Variants in N4BP1 observed in about 807,000 individuals in gnomAD.
N4BP1 encodes the protein NEDD4 binding protein 1.
N4BP1 carries 21 observed loss-of-function variants against 70.9 expected under a neutral mutation model. The ratio of observed to expected loss-of-function variants is 0.30; its 90% confidence interval spans 0.21 to 0.43. N4BP1 has a LOEUF of 0.43. Among genes scored for constraint, N4BP1 ranks in the 20% least tolerant of loss-of-function variants. The pLI is 1.00. For synonymous variants in N4BP1, 387 were observed against 394.6 expected (o/e 0.98, Z 0.23); for missense variants, 936 against 1,069.4 (o/e 0.88, Z 1.74).
chr16:48,557,460 A>G (rs1963772701), intron 2 of N4BP1, among the ~76,000 whole-genome samples: 1 of 152,226 alleles, frequency 6.6e-6, no homozygotes. Context: ...TGTATAAATT[A>G]TAACTTTTGA....
rs1336137604 is a variant in N4BP1, at chr16:48,609,853, C to A, written c.120G>T (p.Ala40=). Residue 40 remains alanine (A), a synonymous_variant, in exon 1 of 7, where the codon GCG becomes GCT. Coordinates refer to ENST00000262384, the MANE Select transcript of N4BP1 (RefSeq NM_153029.4). ...LFGVSLAVLG[A]LGAEEPLPAR... is the part of the protein sequence containing the mutation. Reference sequence around the variant, plus strand: ...CGGGCAGCGGCTCCTCAGCCCCTAGCGCGCCGAGCACGGCTAGGCTCACGC... The same window carrying A: ...CGGGCAGCGGCTCCTCAGCCCCTAGAGCGCCGAGCACGGCTAGGCTCACGC... 3 of 1,490,396 alleles carry A rather than the reference C, an allele frequency of 2.0e-6. No individual in the cohort carries two copies. The highest frequency in any genetic ancestry group is 5.7e-5 in the East Asian group (2 of 35,346). The allele number at this position is 1,490,396 out of a possible 1,614,324, so 92.3% of individuals were successfully genotyped here.
chr16:48,550,013 T>C (rs548127409), intron 4 of N4BP1, among the ~76,000 whole-genome samples: 1 of 152,338 alleles, frequency 6.6e-6, no homozygotes, highest in East Asian at 1.9e-4. Flanking sequence ...TTTCATACCA[T>C]GAGGAGGATT....
intron 1 of N4BP1, among the ~76,000 whole-genome samples, chr16:48,595,359 A>G (rs1487464540): frequency 6.8e-6 from 1 of 147,722 alleles, no homozygotes; most frequent in East Asian, 2.1e-4. Flanking sequence ...GCTACTAGGG[A>G]GGCAGGAGAA....
chr16:48,587,511 T>C (rs1964263293), intron 1 of N4BP1: 1 of 152,366 alleles, frequency 6.6e-6, no homozygotes, highest in East Asian at 1.9e-4. Context: ...GCTATGCTTT[T>C]ACAAATGGAA....
intron 1 of N4BP1, among the ~76,000 whole-genome samples, chr16:48,563,364 A>T (rs187402410): frequency 0.023 from 3,435 of 151,760 alleles, 115 homozygotes; most frequent in African/African-American, 0.071. Context: ...CTAAAAAAAA[A>T]TTTTTTAAAT....
Position 48,543,091 on chromosome 16 carries a change from G to A in N4BP1, c.2504C>T (p.Ala835Val), listed in dbSNP as rs751998307. The A allele has an allele frequency of 5.0e-6, 8 of 1,613,728 alleles. No individual in the cohort carries two copies. In the Admixed American group the frequency reaches 1.0e-4, roughly 20 times the overall value. ...PQQPHFPLLPALPSLQQNLPM... is the reference protein window; with the variant it reads ...PQQPHFPLLPVLPSLQQNLPM... ...CAGGTTCTGCTGGAGACTGGGGAGG[G>A]CTGGCAGCAGTGGGAAGTGGGGCTG... Residue 835 changes from alanine to valine, a missense_variant, in exon 7 of 7, where the codon GCC (alanine) becomes GTC (valine). Physicochemically the swap from Ala to Val is moderately conservative, Grantham distance 64. Around this residue, in one of 4 missense-constraint regions of N4BP1, gnomAD observed 229 missense variants for 343.5 expected, o/e 0.67. Coordinates refer to ENST00000262384, the MANE Select transcript of N4BP1 (RefSeq NM_153029.4).
intron 2 of N4BP1, among the ~76,000 whole-genome samples, chr16:48,557,347 T>C (rs1963770403): frequency 6.6e-6 from 1 of 152,198 alleles, no homozygotes; most frequent in African/African-American, 2.4e-5. Flanking sequence ...AACCTTAACT[T>C]CTGCTGGAGG....
chr16:48,600,100 A>G (rs1032626548), intron 1 of N4BP1: 24 of 391,144 alleles, frequency 6.1e-5, no homozygotes, highest in Non-Finnish European at 1.1e-4. Context: ...CATACTGTGA[A>G]TTAAATATGC....
At chr16:48,587,634 A>T (rs1263652487) in intron 1 of N4BP1, among the ~76,000 whole-genome samples, 1 of 152,220 alleles carries the variant, frequency 6.6e-6, no homozygotes, top group East Asian at 1.9e-4. Context: ...CTTGCATAAG[A>T]TCATTAAGAA....
intron 5 of N4BP1, among the ~76,000 whole-genome samples, chr16:48,546,833 G>A (rs900120634): frequency 3.3e-5 from 5 of 152,204 alleles, no homozygotes; most frequent in African/African-American, 1.2e-4. Context: ...TGTGAATGCT[G>A]AAAGCAACAG....
intron 2 of N4BP1, among the ~76,000 whole-genome samples, chr16:48,554,792 A>G (rs1483105638): frequency 6.6e-6 from 1 of 152,204 alleles, no homozygotes; most frequent in Non-Finnish European, 1.5e-5. Context: ...AGTTAAACCC[A>G]GGCTCTCCTA....
intron 1 of N4BP1, among the ~76,000 whole-genome samples, chr16:48,573,135 A>C (rs1964045223): frequency 6.6e-6 from 1 of 151,716 alleles, no homozygotes; most frequent in Admixed American, 6.6e-5. Context: ...AAAAAAGAAA[A>C]TTCAGGAAAA....
chr16:48,606,286 C>G (rs11640203), intron 1 of N4BP1, among the ~76,000 whole-genome samples: 3 of 152,138 alleles, frequency 2.0e-5, no homozygotes, highest in African/African-American at 7.2e-5. Context: ...CCCCCTACCC[C>G]CTCATGCCCA....
chr16:48,570,107 T>G (rs563568924), intron 1 of N4BP1, among the ~76,000 whole-genome samples: 1 of 150,606 alleles, frequency 6.6e-6, no homozygotes, highest in African/African-American at 2.5e-5. Flanking sequence ...CAAGCTTCGA[T>G]TGCCACCACA....
chr16:48,572,267 G>A (rs1255649490), intron 1 of N4BP1, among the ~76,000 whole-genome samples: 2 of 152,128 alleles, frequency 1.3e-5, no homozygotes, highest in South Asian at 2.1e-4. Flanking sequence ...TTCTTGGAAC[G>A]AAAGGACAGA....
chr16:48,590,464 G>T (rs1480218179), intron 1 of N4BP1, among the ~76,000 whole-genome samples: 4 of 152,176 alleles, frequency 2.6e-5, no homozygotes, highest in African/African-American at 9.7e-5. Context: ...CTAGGCAGAG[G>T]GCAAGGTGAA....
chr16:48,609,892 G>A lies in N4BP1; in HGVS notation c.81C>T (p.Ile27=). The change falls in exon 1 of 7, where the codon ATC becomes ATT. Residue 27 remains isoleucine, a synonymous_variant. Coordinates refer to ENST00000262384, the MANE Select transcript of N4BP1 (RefSeq NM_153029.4). Reference sequence around the variant, plus strand: ...CTAGGCTCACGCCAAACAGGCCCTCGATACGGCCGCGGCTCTGCTCCAGCA... The same window carrying A: ...CTAGGCTCACGCCAAACAGGCCCTCAATACGGCCGCGGCTCTGCTCCAGCA... ...AELLEQSRGR[I]EGLFGVSLAV... 1 of 1,478,012 alleles carries A rather than the reference G, an allele frequency of 6.8e-7. No individual in the cohort carries two copies. The highest frequency in any genetic ancestry group is 9.0e-7 in the Non-Finnish European group (1 of 1,116,502). The allele number at this position is 1,478,012 out of a possible 1,614,324, so 91.6% of individuals were successfully genotyped here.
In N4BP1 at chr16:48,561,093, C is replaced by T; in HGVS notation, c.1550G>A (p.Arg517Lys). Residue 517 changes from arginine (R) to lysine (K), a missense_variant, in exon 2 of 7, where the codon AGA (arginine) becomes AAA (lysine). Arg to Lys is a conservative substitution (Grantham distance 26). Transcript: ENST00000262384. ...ACCATTTTCAGGAAAAAGTGGAACT[C>T]TGGGCTGGTGACTTGAAGCTCCCCT... ...VSRGASSHQP[R>K]VPLFPENGLH... The T allele has an allele frequency of 1.2e-6, 2 of 1,613,984 alleles. No individual in the cohort carries two copies. The highest frequency in any genetic ancestry group is 1.7e-6 in the Non-Finnish European group (2 of 1,179,874).
chr16:48,585,248 T>A (rs1014220389), intron 1 of N4BP1, among the ~76,000 whole-genome samples: 7 of 152,184 alleles, frequency 4.6e-5, no homozygotes, highest in East Asian at 1.9e-4. Flanking sequence ...ATTTTTTTTT[T>A]AAATGTTTTT....
Sources: allele counts gnomAD v4.1 joint callset (sites outside exome capture counted in the v4.1 genomes callset), GRCh38; gene constraint gnomAD v4.1.1; regional missense constraint gnomAD v4.1.1; transcripts MANE v1.5; gene names NCBI Gene and HGNC (gene_info 2026-07-23, HGNC 2026-07-21).